Variants in MYCT1 observed in about 807,000 individuals in gnomAD.
The protein encoded by MYCT1 is myc target protein 1.
MYCT1 carries 12 observed loss-of-function variants against 15.0 expected under a neutral mutation model. The observed-to-expected ratio is 0.80, with a 90% CI of 0.51 to 1.29. The LOEUF (loss-of-function observed/expected upper bound fraction) is 1.29, where lower values mean the gene tolerates loss of function less well. MYCT1 is among the 50% of genes most tolerant of loss of function. MYCT1 has a pLI of 0.00. For missense variants in MYCT1, 287 were observed against 279.1 expected, an observed-to-expected ratio of 1.03 and a Z score of -0.20; for synonymous variants, 104 against 102.7, an observed-to-expected ratio of 1.01 and a Z score of -0.07.
At chr6:152,719,586 T>C (rs2099724325) in intron 1 of MYCT1, among the ~76,000 whole-genome samples, 1 of 152,194 alleles carries the variant, frequency 6.6e-6, no homozygotes, top group Non-Finnish European at 1.5e-5. Context: ...GCCATTGCTT[T>C]AGAGAATGTT....
At chr6:152,737,136 A>G in the MYCT1 span, among the ~76,000 whole-genome samples, 7 of 152,110 alleles carry the variant, frequency 4.6e-5, no homozygotes, top group African/African-American at 1.7e-4. Context: ...TGAGCAATGC[A>G]ATTTCCTGGA....
intron 1 of MYCT1, among the ~76,000 whole-genome samples, chr6:152,703,912 C>G (rs1223498842): frequency 6.6e-6 from 1 of 150,842 alleles, no homozygotes; most frequent in East Asian, 1.9e-4. Context: ...GCTTTTTCTG[C>G]ACAATTTCTT....
chr6:152,707,368 T>G (rs2099722469), intron 1 of MYCT1, among the ~76,000 whole-genome samples: 1 of 152,202 alleles, frequency 6.6e-6, no homozygotes, highest in South Asian at 2.1e-4. Context: ...TTTCTTGCTT[T>G]TGTGTTGTGT....
intron 1 of MYCT1, among the ~76,000 whole-genome samples, chr6:152,706,861 G>GTC (rs2099722367): frequency 6.6e-6 from 1 of 151,872 alleles, no homozygotes; most frequent in Non-Finnish European, 1.5e-5. Context: ...GTGTGTGTGT[G>GTC]TGTGTGTGTG....
chr6:152,732,129 CTTTTG>C, the MYCT1 span, among the ~76,000 whole-genome samples: 2 of 152,122 alleles, frequency 1.3e-5, no homozygotes, highest in East Asian at 1.9e-4. Flanking sequence ...GACATACAGA[CTTTTG>C]TTTTGTTTTT....
chr6:152,740,830 T>G, the MYCT1 span, among the ~76,000 whole-genome samples: 1 of 152,166 alleles, frequency 6.6e-6, no homozygotes, highest in African/African-American at 2.4e-5. Flanking sequence ...ATATTTTTCT[T>G]TAGCCATAAG....
intron 1 of MYCT1, among the ~76,000 whole-genome samples, chr6:152,721,234 A>C (rs1049756853): frequency 6.6e-6 from 1 of 152,254 alleles, no homozygotes; most frequent in Non-Finnish European, 1.5e-5. Flanking sequence ...TTCCTGTCTC[A>C]GAAAGAGCAA....
the MYCT1 span, among the ~76,000 whole-genome samples, chr6:152,746,008 C>T: frequency 6.6e-6 from 1 of 152,180 alleles, no homozygotes; most frequent in Admixed American, 6.5e-5. Flanking sequence ...CTACCATAAA[C>T]TCACACCAGC....
chr6:152,726,119 G>C (rs958989920), downstream of MYCT1, among the ~76,000 whole-genome samples: 1 of 152,022 alleles, frequency 6.6e-6, no homozygotes, highest in African/African-American at 2.4e-5. Context: ...AGTGATGGCC[G>C]GGCGCGGTGG....
intron 1 of MYCT1, among the ~76,000 whole-genome samples, chr6:152,703,945 ATTTTATTTTAT>A (rs754536551): frequency 0.19 from 5,662 of 30,526 alleles, 252 homozygotes; most frequent in East Asian, 0.38. Flanking sequence ...CCTGTTTTTT[ATTTTATTTTAT>A]TTTATTTTAT....
chr6:152,717,352 T>C (rs1482611318), intron 1 of MYCT1, among the ~76,000 whole-genome samples: 1 of 152,178 alleles, frequency 6.6e-6, no homozygotes, highest in African/African-American at 2.4e-5. Flanking sequence ...AGCAGTATTA[T>C]TTGTAGGTGT....
the MYCT1 span, among the ~76,000 whole-genome samples, chr6:152,741,637 T>C: frequency 1.1e-4 from 16 of 152,264 alleles, no homozygotes; most frequent in African/African-American, 3.4e-4. Flanking sequence ...TAATGAATCA[T>C]AGAATTTAAA....
In MYCT1 at chr6:152,698,066, G is replaced by T. The variant is rs200696320; in HGVS notation, c.164G>T (p.Ser55Ile). The T allele has an allele frequency of 5.0e-6, 8 of 1,586,264 alleles. No individual in the cohort carries two copies. Among genetic ancestry groups the T allele is most frequent in the Non-Finnish European group, 3.4e-6 (4 of 1,171,086 alleles). The change falls in exon 1 of 2, where the codon AGT (serine) becomes ATT (isoleucine). Residue 55 changes from serine to isoleucine, a missense_variant. Physicochemically the swap from Ser to Ile is moderately radical, Grantham distance 142. Coordinates refer to ENST00000367245, the MANE Select transcript of MYCT1 (RefSeq NM_025107.3). Reference sequence around the variant, plus strand: ...GATATTATGGCTAATAACACAACAAGTTTAGGGAGTCCATGGCCAGAAAAC... The same window carrying T: ...GATATTATGGCTAATAACACAACAATTTTAGGGAGTCCATGGCCAGAAAAC... Reference protein sequence around the residue: ...LVDIMANNTTSLGSPWPENFW... With the variant: ...LVDIMANNTTILGSPWPENFW...
chr6:152,721,892 A>G lies in MYCT1; in HGVS notation c.347A>G (p.Tyr116Cys). 6.2e-7 allele frequency: 1 copy of G among 1,614,042 alleles called. No individual in the cohort carries two copies. Among genetic ancestry groups the G allele is most frequent in the Non-Finnish European group, 8.5e-7 (1 of 1,179,996 alleles). Residue 116 changes from tyrosine (Y) to cysteine (C), a missense_variant, in exon 2 of 2, where the codon TAC (tyrosine) becomes TGC (cysteine). Tyr to Cys is a radical substitution (Grantham distance 194). Coordinates refer to ENST00000367245, the MANE Select transcript of MYCT1 (RefSeq NM_025107.3). Reference sequence around the variant, plus strand: ...TCAAGCAGGAGATCTAGGTCTTCTTACACCCACGGCCTCAACAGAACTGGA... The same window carrying G: ...TCAAGCAGGAGATCTAGGTCTTCTTGCACCCACGGCCTCAACAGAACTGGA... ...WSSSRRSRSS[Y>C]THGLNRTGFY...
intron 1 of MYCT1, among the ~76,000 whole-genome samples, chr6:152,718,823 C>T (rs777093568): frequency 8.6e-5 from 13 of 151,962 alleles, no homozygotes; most frequent in Admixed American, 2.0e-4. Context: ...AAGGAAACAT[C>T]TCTTTTTACA....
At chr6:152,732,976 G>A in the MYCT1 span, among the ~76,000 whole-genome samples, 1 of 152,136 alleles carries the variant, frequency 6.6e-6, no homozygotes, top group Admixed American at 6.6e-5. Context: ...ATGTATGTGG[G>A]TTTCTAGATT....
chr6:152,728,656 G>A (rs1206602010), downstream of MYCT1, among the ~76,000 whole-genome samples: 1 of 152,212 alleles, frequency 6.6e-6, no homozygotes, highest in Non-Finnish European at 1.5e-5. Context: ...AGTACTTTGG[G>A]AGTGTGAGGC....
chr6:152,737,472 G>A, the MYCT1 span, among the ~76,000 whole-genome samples: 3 of 152,044 alleles, frequency 2.0e-5, no homozygotes, highest in African/African-American at 4.8e-5. Context: ...CTGTATTTAT[G>A]TGGTGGAGCT....
At chr6:152,719,702 T>A (rs146984083) in intron 1 of MYCT1, among the ~76,000 whole-genome samples, 5 of 152,206 alleles carry the variant, frequency 3.3e-5, no homozygotes, top group East Asian at 1.9e-4. Flanking sequence ...CTGAACTATA[T>A]CCTAAAATTA....
Sources: gnomAD v4.1 joint callset for allele counts (sites outside exome capture counted in the v4.1 genomes callset) on GRCh38, gnomAD v4.1.1 for gene constraint, MANE v1.5 for transcripts, NCBI Gene and HGNC (gene_info 2026-07-23, HGNC 2026-07-21) for gene names.